Variants in SMG7 observed in about 807,000 individuals in gnomAD.
SMG7 encodes the protein SMG7 nonsense mediated mRNA decay factor.
Under a neutral mutation model 148.2 loss-of-function variants are expected in SMG7, and 34 were observed. The ratio of observed to expected loss-of-function variants is 0.23; its 90% CI spans 0.17 to 0.31. The LOEUF (loss-of-function observed/expected upper bound fraction) is 0.31. Among genes scored for constraint, SMG7 ranks in the 10% least tolerant of loss-of-function variants. The pLI is 1.00. For missense variants in SMG7, 1,114 were observed against 1,408.4 expected, an observed-to-expected ratio of 0.79 and a Z score of 3.35; for synonymous variants, 492 against 515.1, an observed-to-expected ratio of 0.96 and a Z score of 0.61.
At chr1:183,528,685 A>T (rs949698231) in intron 6 of SMG7, among the ~76,000 whole-genome samples, 15 of 152,164 alleles carry the variant, frequency 9.9e-5, no homozygotes, top group African/African-American at 3.6e-4. Context: ...CTCTACCCTA[A>T]TATTGACTGT....
rs567703822 is a variant in SMG7 at position 183,495,489 on chromosome 1, G to A, written c.30-17348G>A. Among the ~76,000 whole-genome samples the A allele has an allele frequency of 1.6e-4, 24 of 152,298 alleles. 1 individual carries two copies. The East Asian group carries it at 3.7e-3, about 23-fold the overall frequency. ...AGAGAACTCCTGGGAAAGAACTTAC[G>A]CTAGAAGCTAAAACCAGGAGGATTT... On this transcript the variant is annotated intron_variant, in intron 1 of 22. Transcript: ENST00000688051.
intron 1 of SMG7, among the ~76,000 whole-genome samples, chr1:183,481,401 C>T (rs56310144): frequency 2.6e-5 from 4 of 152,136 alleles, no homozygotes; most frequent in Non-Finnish European, 4.4e-5. Flanking sequence ...TTTCCTGTAT[C>T]TTAGTCATTT....
Position 183,546,052 on chromosome 1 carries a change from C to G in SMG7, c.2457C>G (p.Pro819=), listed in dbSNP as rs758374933. The stretch of plus-strand genomic sequence containing the variant: ...GGAAAATTATGCCTGTGAAACAGCC[C>G]TACTACCTTCAGACCCAAGACCCCA... ...PLGKIMPVKQ[P]YYLQTQDPIK... is the part of the protein sequence containing the mutation. Residue 819 remains proline (P), a synonymous_variant, in exon 17 of 23, where the codon CCC becomes CCG. Coordinates refer to ENST00000688051, the MANE Select transcript of SMG7 (RefSeq NM_001375584.1). 10 of 1,613,950 alleles carry G rather than the reference C, an allele frequency of 6.2e-6. No individual in the cohort carries two copies. Among genetic ancestry groups the G allele is most frequent in the Non-Finnish European group, 8.5e-6 (10 of 1,179,998 alleles).
chr1:183,488,226 G>A (rs999330207), intron 1 of SMG7, among the ~76,000 whole-genome samples: 4 of 152,190 alleles, frequency 2.6e-5, no homozygotes, highest in Non-Finnish European at 4.4e-5. Flanking sequence ...AAGGTGGGTA[G>A]GTTTTGAGGT....
intron 1 of SMG7, chr1:183,472,979 C>T: frequency 2.9e-6 from 1 of 349,604 alleles, no homozygotes; most frequent in South Asian, 1.3e-4. Flanking sequence ...GCGGCGGCGA[C>T]CCCGAGTGGA....
intron 4 of SMG7, among the ~76,000 whole-genome samples, chr1:183,520,357 G>GA (rs1286191407): frequency 1.3e-5 from 2 of 152,112 alleles, no homozygotes; most frequent in Admixed American, 6.6e-5. Context: ...GGATATTAAT[G>GA]AAAATGGTAA....
chr1:183,524,905 C>T (rs771739463), intron 4 of SMG7, among the ~76,000 whole-genome samples: 1 of 152,116 alleles, frequency 6.6e-6, no homozygotes, highest in Admixed American at 6.6e-5. Context: ...TTTTCCCTCT[C>T]CCTCCCTCTC....
chr1:183,491,391 G>T lies in SMG7; in HGVS notation c.29+18742G>T, dbSNP rs182797772. Among the ~76,000 whole-genome samples the T allele has an allele frequency of 5.1e-3, 780 of 152,206 alleles. 4 individuals carry two copies. The highest frequency in any genetic ancestry group is 8.7e-3 in the South Asian group (42 of 4,826). On this transcript the variant is annotated intron_variant, in intron 1 of 22. Transcript: ENST00000688051. ...GTTGTTTCTAATTTTTTGCTATTAT[G>T]AATAAAGCTAGAACATTCTGTCTAA...
intron 4 of SMG7, among the ~76,000 whole-genome samples, chr1:183,521,285 G>C (rs190059996): frequency 6.6e-6 from 1 of 152,170 alleles, no homozygotes; most frequent in East Asian, 1.9e-4. Context: ...TTTTAGTAGA[G>C]ATGGACTTTC....
At chr1:183,528,078 A>G in intron 6 of SMG7, 51 bp downstream of exon 6, 1 of 1,398,442 alleles carries the variant, frequency 7.2e-7, no homozygotes, top group Non-Finnish European at 1.0e-6. Context: ...GTTCTTTATA[A>G]CAATGTGGCA....
intron 1 of SMG7, among the ~76,000 whole-genome samples, chr1:183,491,533 G>C (rs1209994200): frequency 6.6e-6 from 1 of 152,080 alleles, no homozygotes; most frequent in African/African-American, 2.4e-5. Context: ...ATATACACTC[G>C]GGTACATACA....
At chr1:183,517,882 C>A (rs771262343) in intron 4 of SMG7, 62 bp downstream of exon 4, 2 of 1,529,518 alleles carry the variant, frequency 1.3e-6, no homozygotes, top group Non-Finnish European at 1.8e-6. Context: ...GCTCTTTGTA[C>A]ACGTCTTAAT....
intron 1 of SMG7, among the ~76,000 whole-genome samples, chr1:183,509,936 T>G (rs945301054): frequency 6.6e-6 from 1 of 152,190 alleles, no homozygotes; most frequent in African/African-American, 2.4e-5. Flanking sequence ...ACCTGACAGC[T>G]TATAAGAAAA....
chr1:183,477,464 G>A (rs1471351270), intron 1 of SMG7, among the ~76,000 whole-genome samples: 1 of 150,820 alleles, frequency 6.6e-6, no homozygotes, highest in Non-Finnish European at 1.5e-5. Flanking sequence ...GTGTGCATAT[G>A]TGTATATATG....
chr1:183,512,752 TA>T, intron 1 of SMG7, 84 bp from the exon 2 acceptor site: 1 of 1,285,670 alleles, frequency 7.8e-7, no homozygotes, highest in Non-Finnish European at 1.1e-6. Flanking sequence ...TGATTTCACC[TA>T]ACTTTTAGTG....
intron 1 of SMG7, among the ~76,000 whole-genome samples, chr1:183,484,932 C>T (rs1167070928): frequency 6.6e-6 from 1 of 152,000 alleles, no homozygotes; most frequent in Non-Finnish European, 1.5e-5. Context: ...TTTCTTTTTT[C>T]AGTTCTGACA....
At chr1:183,489,347 CTT>C (rs1308764718) in intron 1 of SMG7, among the ~76,000 whole-genome samples, 1 of 151,948 alleles carries the variant, frequency 6.6e-6, no homozygotes, top group Non-Finnish European at 1.5e-5. Flanking sequence ...AGTGGAATAA[CTT>C]TGTGAAGGGC....
chr1:183,547,287 A>C, intron 18 of SMG7, 35 bp downstream of exon 18: 2 of 1,534,712 alleles, frequency 1.3e-6, no homozygotes, highest in Non-Finnish European at 1.8e-6. Context: ...TCTTGGTCTA[A>C]CCCCCAGCTG....
intron 17 of SMG7, 36 bp from the exon 18 acceptor site, chr1:183,547,067 C>G (rs1670054573): frequency 1.3e-6 from 2 of 1,537,194 alleles, no homozygotes; most frequent in Non-Finnish European, 8.8e-7. Flanking sequence ...TTTGTTATCC[C>G]TTATTGCTTC....
Sources: allele counts gnomAD v4.1 joint callset (sites outside exome capture counted in the v4.1 genomes callset), GRCh38; gene constraint gnomAD v4.1.1; transcripts MANE v1.5; gene names NCBI Gene and HGNC (gene_info 2026-07-23, HGNC 2026-07-21).